The following HPSE2 variants were observed in gnomAD, a reference collection of about 807,000 sequenced individuals.
HPSE2 encodes heparanase 2 (inactive).
Under a neutral mutation model 60.5 loss-of-function variants are expected in HPSE2, and 38 were observed. The observed-to-expected ratio is 0.63, with a 90% CI of 0.48 to 0.82. The LOEUF (loss-of-function observed/expected upper bound fraction) is 0.82, where lower values mean the gene tolerates loss of function less well. HPSE2 is among the 40% of genes least tolerant of loss of function. The probability of loss-of-function intolerance (pLI) is 0.00; values close to 1 mark genes in which losing one functional copy is unlikely to be tolerated. For synonymous variants in HPSE2, 295 were observed against 293.2 expected (o/e 1.01, Z -0.06); for missense variants, 713 against 740.4 (o/e 0.96, Z 0.43).
the HPSE2 span, among the ~76,000 whole-genome samples, chr10:99,302,670 G>GTTAA: frequency 1.3e-5 from 2 of 152,080 alleles, no homozygotes; most frequent in Non-Finnish European, 2.9e-5. Context: ...ATGGAAGATA[G>GTTAA]TTAAGTATTT....
intron 9 of HPSE2, among the ~76,000 whole-genome samples, chr10:98,591,436 G>A (rs1447629088): frequency 6.6e-6 from 1 of 152,182 alleles, no homozygotes; most frequent in Non-Finnish European, 1.5e-5. Flanking sequence ...GCTGACAGGG[G>A]CAGATCACCT....
intron 2 of HPSE2, among the ~76,000 whole-genome samples, chr10:99,152,793 T>A (rs1405006372): frequency 6.6e-6 from 1 of 151,986 alleles, no homozygotes; most frequent in Non-Finnish European, 1.5e-5. Flanking sequence ...GCTCCCAGCG[T>A]GAGTGACGCA....
At chr10:98,585,350 C>G (rs11189695) in intron 9 of HPSE2, among the ~76,000 whole-genome samples, 1 of 150,718 alleles carries the variant, frequency 6.6e-6, no homozygotes. Context: ...TGGCTCACTG[C>G]GACCTCCACC....
intron 3 of HPSE2, among the ~76,000 whole-genome samples, chr10:98,914,902 A>G (rs1316866868): frequency 6.6e-6 from 1 of 151,704 alleles, no homozygotes; most frequent in East Asian, 1.9e-4. Context: ...CCTATGACAA[A>G]GATCAATTTA....
chr10:98,634,187 T>TAAGAC (rs1030374943), intron 7 of HPSE2, among the ~76,000 whole-genome samples: 6 of 152,238 alleles, frequency 3.9e-5, no homozygotes, highest in Non-Finnish European at 7.3e-5. Context: ...GTGAATGAGA[T>TAAGAC]AAGACATTAC....
At chr10:98,813,744 G>A (rs1252319) in intron 3 of HPSE2, among the ~76,000 whole-genome samples, 121,961 of 152,066 alleles carry the variant, frequency 0.8, 49,232 homozygotes, top group Non-Finnish European at 0.83. Flanking sequence ...TTTTATTTTG[G>A]ATTAACAAAT....
intron 3 of HPSE2, among the ~76,000 whole-genome samples, chr10:98,964,548 C>A (rs1955765447): frequency 6.6e-6 from 1 of 151,952 alleles, no homozygotes; most frequent in South Asian, 2.1e-4. Flanking sequence ...GTTTTCCCAC[C>A]CACTAATCAC....
At chr10:98,964,410 C>T (rs1000655739) in intron 3 of HPSE2, among the ~76,000 whole-genome samples, 2 of 152,094 alleles carry the variant, frequency 1.3e-5, no homozygotes, top group Non-Finnish European at 2.9e-5. Flanking sequence ...CAGTAATTGT[C>T]ATTGTTTTAA....
chr10:98,667,910 G>A (rs1947409711), intron 6 of HPSE2, among the ~76,000 whole-genome samples: 1 of 152,156 alleles, frequency 6.6e-6, no homozygotes, highest in South Asian at 2.1e-4. Flanking sequence ...ATTCAACATG[G>A]TATTGGAAGT....
intron 3 of HPSE2, among the ~76,000 whole-genome samples, chr10:98,864,010 T>C (rs1405384924): frequency 6.6e-6 from 1 of 152,132 alleles, no homozygotes; most frequent in East Asian, 1.9e-4. Flanking sequence ...AGCCTATAGC[T>C]GATGATTTGT....
rs1316033713 is a variant in HPSE2, at chr10:99,033,148, T to G, written c.610+111090A>C. Among the ~76,000 whole-genome samples, 4 of 152,202 alleles carry G rather than the reference T, an allele frequency of 2.6e-5. No homozygotes were observed. In the East Asian group the frequency reaches 7.7e-4, roughly 29 times the overall value. ...GGTATGTAGAAAACAATAGACAGAATGTGCATTTGATTAGATACATATATA... is the reference window on the plus strand; with the variant it reads ...GGTATGTAGAAAACAATAGACAGAAGGTGCATTTGATTAGATACATATATA... On this transcript the variant is annotated intron_variant, in intron 3 of 11. Transcript: ENST00000370552.
At chr10:98,574,196 G>C (rs1207020108) in intron 9 of HPSE2, among the ~76,000 whole-genome samples, 1 of 152,134 alleles carries the variant, frequency 6.6e-6, no homozygotes, top group East Asian at 1.9e-4. Flanking sequence ...ATTTCTTAAA[G>C]ACAGCAGTAT....
Position 99,042,288 on chromosome 10 carries a change from T to TG in HPSE2, c.610+101949dup, listed in dbSNP as rs578186125. On this transcript the variant is annotated intron_variant, in intron 3 of 11. Transcript: ENST00000370552. Reference sequence around the variant, plus strand: ...AAACTCCTGACCCCTGCCCCACCCTTGGCCAGACAAGGCGTCCCTGGCTTG... The same window carrying TG: ...AAACTCCTGACCCCTGCCCCACCCTTGGGCCAGACAAGGCGTCCCTGGCTTG... Among the ~76,000 whole-genome samples, 14 of 152,108 alleles carry TG rather than the reference T, an allele frequency of 9.2e-5. No homozygotes were observed. The East Asian group carries it at 2.5e-3, about 28-fold the overall frequency.
intron 2 of HPSE2, among the ~76,000 whole-genome samples, chr10:99,219,984 T>A (rs988045194): frequency 6.6e-6 from 1 of 152,228 alleles, no homozygotes; most frequent in African/African-American, 2.4e-5. Flanking sequence ...CCAGGATTTC[T>A]TACAAATGAC....
At chr10:98,837,790 C>T (rs994897520) in intron 3 of HPSE2, among the ~76,000 whole-genome samples, 2 of 151,676 alleles carry the variant, frequency 1.3e-5, no homozygotes, top group Admixed American at 6.6e-5. Context: ...AGCAGAATGG[C>T]GTGAACCCAA....
intron 3 of HPSE2, among the ~76,000 whole-genome samples, chr10:98,824,074 T>G (rs970452260): frequency 1.3e-5 from 2 of 152,180 alleles, no homozygotes; most frequent in African/African-American, 4.8e-5. Flanking sequence ...TTAAAATAAC[T>G]CACAGGTCAA....
intron 9 of HPSE2, among the ~76,000 whole-genome samples, chr10:98,499,622 A>T (rs771896187): frequency 1.3e-5 from 2 of 152,148 alleles, no homozygotes; most frequent in Admixed American, 1.3e-4. Flanking sequence ...AACCAAAAAA[A>T]CCAAGGTACA....
chr10:98,798,554 G>A (rs915028775), intron 3 of HPSE2, among the ~76,000 whole-genome samples: 5 of 152,126 alleles, frequency 3.3e-5, no homozygotes, highest in African/African-American at 1.2e-4. Context: ...AAGACATAAA[G>A]AGAAACAACA....
At chr10:99,253,633 T>C in the HPSE2 span, among the ~76,000 whole-genome samples, 1 of 152,162 alleles carries the variant, frequency 6.6e-6, no homozygotes, top group South Asian at 2.1e-4. Flanking sequence ...AAATGGCTTC[T>C]GCACAGCAAA....
Sources: allele counts gnomAD v4.1 joint callset (sites outside exome capture counted in the v4.1 genomes callset), GRCh38; gene constraint gnomAD v4.1.1; transcripts MANE v1.5; gene names NCBI Gene and HGNC (gene_info 2026-07-23, HGNC 2026-07-21).